UBASH3B: variants seen among roughly 807,000 people sequenced by gnomAD.
UBASH3B encodes ubiquitin associated and SH3 domain containing B.
A neutral mutation model predicts 83.4 loss-of-function variants in UBASH3B; 37 were observed. That is an observed-to-expected ratio of 0.44 (90% CI 0.34 to 0.58). UBASH3B has a LOEUF of 0.58. Ranked by LOEUF, UBASH3B falls within the 20% of genes least tolerant of loss-of-function variation. The pLI is 0.01. For synonymous variants in UBASH3B, 304 were observed against 318.3 expected (o/e 0.96, Z 0.48); for missense variants, 657 against 827.2 (o/e 0.79, Z 2.52).
At chr11:122,727,753 G>T (rs990695830) in intron 1 of UBASH3B, among the ~76,000 whole-genome samples, 2 of 152,186 alleles carry the variant, frequency 1.3e-5, no homozygotes, top group Non-Finnish European at 2.9e-5. Flanking sequence ...TCTCTCAGAC[G>T]TGGACTTGGC....
chr11:122,735,201 A>G (rs4935804), intron 1 of UBASH3B, among the ~76,000 whole-genome samples: 48,010 of 152,116 alleles, frequency 0.32, 9,088 homozygotes, highest in Middle Eastern at 0.49. Context: ...CCAATAGCAT[A>G]TATTTCTCGT....
intron 5 of UBASH3B, 61 bp from the exon 6 acceptor site, chr11:122,789,039 C>T: frequency 6.6e-7 from 1 of 1,510,450 alleles, no homozygotes; most frequent in Non-Finnish European, 9.1e-7. Flanking sequence ...CAGTCCTGCC[C>T]TCAAGGCGCT....
rs2135974597 is a variant in UBASH3B, at chr11:122,759,031, G to A, written c.162-17188G>A. On this transcript the variant is annotated intron_variant, in intron 1 of 13. Transcript: ENST00000284273. The surrounding 1 kb of genome is among the most constrained non-coding windows in gnomAD (Gnocchi z 4.1). The stretch of plus-strand genomic sequence containing the variant: ...CAGTTTCTGTAGGTCAGGAGCCCAG[G>A]CATGGCTTGACTGGGTTCTCTGCTC... 6.6e-6 allele frequency among the ~76,000 whole-genome samples: 1 copy of A among 152,322 alleles called. No homozygotes were observed. Among genetic ancestry groups the A allele is most frequent in the East Asian group, 1.9e-4 (1 of 5,184 alleles).
chr11:122,667,034 A>G (rs1322801905), intron 1 of UBASH3B, among the ~76,000 whole-genome samples: 1 of 134,808 alleles, frequency 7.4e-6, no homozygotes, highest in Non-Finnish European at 1.6e-5. Context: ...TGATAATGGC[A>G]TTCTTTTTTT....
At chr11:122,662,928 C>T (rs1217491607) in intron 1 of UBASH3B, among the ~76,000 whole-genome samples, 2 of 151,220 alleles carry the variant, frequency 1.3e-5, no homozygotes. Flanking sequence ...ATTATAACCC[C>T]TTGCACACAG....
intron 1 of UBASH3B, among the ~76,000 whole-genome samples, chr11:122,697,208 G>A (rs1863975372): frequency 6.6e-6 from 1 of 152,152 alleles, no homozygotes; most frequent in Non-Finnish European, 1.5e-5. Flanking sequence ...AACGGGAATG[G>A]TGGCATAACA....
rs575072286 is a variant in UBASH3B, at chr11:122,705,059, C to T, written c.161+48849C>T. Among the ~76,000 whole-genome samples, 3 of 152,306 alleles carry T rather than the reference C, an allele frequency of 2.0e-5. No individual in the cohort carries two copies. In the South Asian group the frequency reaches 6.2e-4, roughly 32 times the overall value. ...TGGCCAACATATGTTTGGGCCTTGG[C>T]TCTGCACAGACAGAAACTATCCCCG... On this transcript the variant is annotated intron_variant, in intron 1 of 13. Coordinates refer to ENST00000284273, the MANE Select transcript of UBASH3B (RefSeq NM_032873.5).
intron 11 of UBASH3B, among the ~76,000 whole-genome samples, chr11:122,803,674 G>A (rs990880945): frequency 2.6e-5 from 4 of 152,142 alleles, no homozygotes; most frequent in Admixed American, 2.6e-4. Context: ...GACTGGGGGA[G>A]GGTATGGATC....
intron 1 of UBASH3B, among the ~76,000 whole-genome samples, chr11:122,764,447 G>C (rs1247560110): frequency 6.6e-6 from 1 of 152,224 alleles, no homozygotes; most frequent in African/African-American, 2.4e-5. Flanking sequence ...ACATACCCAT[G>C]TTCCAGCTCC....
chr11:122,756,793 C>CA (rs1287452696), intron 1 of UBASH3B, among the ~76,000 whole-genome samples: 2 of 152,140 alleles, frequency 1.3e-5, no homozygotes, highest in African/African-American at 2.4e-5. Context: ...AGCCTCTCAG[C>CA]AAATTAACAC....
intron 1 of UBASH3B, among the ~76,000 whole-genome samples, chr11:122,699,925 T>C (rs2135927857): frequency 6.6e-6 from 1 of 152,298 alleles, no homozygotes; most frequent in African/African-American, 2.4e-5. Context: ...TATTAAGGTT[T>C]ACGTAAATAT....
rs549182624 is a variant in UBASH3B at position 122,782,865 on chromosome 11, G to C, written c.602-188G>C. Reference sequence around the variant, plus strand: ...GTGGCTATCTCTTGAACAGTGGCTTGATTCGGAATCTCTTGCCATCCCCTT... The same window carrying C: ...GTGGCTATCTCTTGAACAGTGGCTTCATTCGGAATCTCTTGCCATCCCCTT... On this transcript the variant is annotated intron_variant, in intron 4 of 13. Coordinates refer to ENST00000284273, the MANE Select transcript of UBASH3B (RefSeq NM_032873.5). 15 of 664,594 alleles carry C rather than the reference G, an allele frequency of 2.3e-5. No homozygotes were observed. The East Asian group carries it at 2.8e-4, about 12-fold the overall frequency. 41.2% of individuals were successfully genotyped at this position (664,594 alleles called of 1,614,324 possible).
intron 1 of UBASH3B, among the ~76,000 whole-genome samples, chr11:122,775,292 T>TGTAA (rs1309781700): frequency 5.3e-5 from 8 of 152,238 alleles, no homozygotes; most frequent in African/African-American, 1.9e-4. Context: ...GAGCTCCACT[T>TGTAA]GTAAGTTTGT....
Position 122,768,021 on chromosome 11 carries a change from G to A in UBASH3B, c.162-8198G>A, listed in dbSNP as rs143394746. On this transcript the variant is annotated intron_variant, in intron 1 of 13. Coordinates refer to ENST00000284273, the MANE Select transcript of UBASH3B (RefSeq NM_032873.5). ...GGTTGACTTGCATGACTGTCGTGTG[G>A]CCTGAAACCTCAGTTTCCTCATCTG... Among the ~76,000 whole-genome samples the A allele has an allele frequency of 4.5e-3, 692 of 152,234 alleles. 6 individuals are homozygous for A. The highest frequency in any genetic ancestry group is 0.015 in the African/African-American group (637 of 41,518).
chr11:122,702,515 A>G (rs777676492), intron 1 of UBASH3B, among the ~76,000 whole-genome samples: 22 of 151,912 alleles, frequency 1.4e-4, no homozygotes, highest in Non-Finnish European at 2.6e-4. Context: ...GCAGTAGGAA[A>G]AAAAATCACC....
chr11:122,792,837 T>A (rs1193368273), intron 6 of UBASH3B, among the ~76,000 whole-genome samples: 3 of 152,128 alleles, frequency 2.0e-5, no homozygotes, highest in Non-Finnish European at 4.4e-5. Flanking sequence ...ACCTACTGAG[T>A]CACAATGTGT....
chr11:122,660,324 G>T (rs768042242), intron 1 of UBASH3B, among the ~76,000 whole-genome samples: 1 of 152,138 alleles, frequency 6.6e-6, no homozygotes. Flanking sequence ...TGTTCGGGAG[G>T]CATCAGGAAG....
intron 1 of UBASH3B, among the ~76,000 whole-genome samples, chr11:122,699,531 C>CTCTTTCTTTCTTTATTCTTTCTTTCTT (rs1555137132): frequency 5.6e-5 from 6 of 107,936 alleles, no homozygotes; most frequent in African/African-American, 2.1e-4. Flanking sequence ...TTCTTTCTTT[C>CTCTTTCTTTCTTTATTCTTTCTTTCTT]TCTTTCTTTC....
At chr11:122,764,217 G>A (rs1860494542) in intron 1 of UBASH3B, among the ~76,000 whole-genome samples, 1 of 152,210 alleles carries the variant, frequency 6.6e-6, no homozygotes, top group Non-Finnish European at 1.5e-5. Flanking sequence ...ATGGTCTAAA[G>A]TACAGTCTTA....
Sources: allele counts gnomAD v4.1 joint callset (sites outside exome capture counted in the v4.1 genomes callset), GRCh38; gene constraint gnomAD v4.1.1; non-coding constraint Gnocchi (gnomAD v3.1); transcripts MANE v1.5; gene names NCBI Gene and HGNC (gene_info 2026-07-23, HGNC 2026-07-21).